Variants in TRAF1 observed in about 807,000 individuals in gnomAD.
TRAF1 encodes TNF receptor-associated factor 1.
TRAF1 carries 23 observed loss-of-function variants against 40.9 expected under a neutral mutation model. That is an observed-to-expected ratio of 0.56 (90% CI 0.40 to 0.80). The LOEUF is 0.80. TRAF1 is among the 30% of genes least tolerant of loss of function. TRAF1 has a pLI of 0.00. For synonymous variants in TRAF1, 206 were observed against 218.8 expected, an observed-to-expected ratio of 0.94 and a Z score of 0.52; for missense variants, 477 against 528.7, an observed-to-expected ratio of 0.90 and a Z score of 0.96.
intron 3 of TRAF1, among the ~76,000 whole-genome samples, chr9:120,920,832 C>G (rs998853730): frequency 1.3e-5 from 2 of 152,200 alleles, no homozygotes; most frequent in Non-Finnish European, 2.9e-5. Context: ...GCCCTCCACC[C>G]TGCCTCCATT....
Position 120,911,512 on chromosome 9 carries a change from AC to A in TRAF1, c.706del (p.Val236TrpfsTer76), listed in dbSNP as rs745946131. The A allele has an allele frequency of 1.2e-6, 2 of 1,609,314 alleles. No homozygotes were observed. On this transcript the variant is annotated frameshift_variant and splice_region_variant, in exon 6 of 8. Coordinates refer to ENST00000373887, the MANE Select transcript of TRAF1 (RefSeq NM_005658.5). LOFTEE classifies it high-confidence loss of function. ...RERILSLEQR[V>X]VELQQTLAQK... Reference sequence around the variant, plus strand: ...GGCCAGGGTCTGCTGAAGCTCCACCACCTGTAGGGAAGACTGTTCAGCCAGG... The same window carrying A: ...GGCCAGGGTCTGCTGAAGCTCCACCACTGTAGGGAAGACTGTTCAGCCAGG...
Position 120,923,725 on chromosome 9 carries a change from G to A in TRAF1, c.208C>T (p.Arg70Cys), listed in dbSNP as rs1380027488. 5.6e-6 allele frequency: 9 copies of A among 1,613,980 alleles called. No homozygotes were observed. The highest frequency in any genetic ancestry group is 4.4e-5 in the South Asian group (4 of 91,086). Residue 70 changes from arginine (R) to cysteine (C), a missense_variant, in exon 3 of 8, where the codon CGT becomes TGT. Arg to Cys is a radical substitution (Grantham distance 180). Transcript: ENST00000373887. The stretch of plus-strand genomic sequence containing the variant: ...CGTACCTTCTCCTGAGTTCGAAGAC[G>A]GCTTCCTGGGCTTATAGACTGGAGG... ...EDLQSISPGS[R>C]LRTQEKAHPE...
At chr9:120,916,914 G>A (rs1046970224) in intron 3 of TRAF1, among the ~76,000 whole-genome samples, 2 of 152,140 alleles carry the variant, frequency 1.3e-5, no homozygotes, top group East Asian at 3.9e-4. Context: ...GAATATACCT[G>A]GGGGAGCCTT....
intron 6 of TRAF1, among the ~76,000 whole-genome samples, chr9:120,909,903 C>T (rs1478321115): frequency 6.6e-6 from 1 of 152,192 alleles, no homozygotes; most frequent in Admixed American, 6.5e-5. Flanking sequence ...GCTGAGGGTA[C>T]ATGGGGTGAC....
At chr9:120,925,860 C>G in intron 2 of TRAF1, 76 bp downstream of exon 2, 2 of 1,597,936 alleles carry the variant, frequency 1.3e-6, no homozygotes, top group Non-Finnish European at 1.7e-6. Context: ...ACAGGCTCCT[C>G]TGCCCCTCAC....
intron 6 of TRAF1, among the ~76,000 whole-genome samples, chr9:120,910,218 C>A (rs781394143): frequency 6.6e-6 from 1 of 152,072 alleles, no homozygotes; most frequent in Non-Finnish European, 1.5e-5. Flanking sequence ...TTTGGTAGAA[C>A]AGGAAGCACG....
At chr9:120,912,579 C>G (rs957890281) in intron 5 of TRAF1, among the ~76,000 whole-genome samples, 2 of 152,012 alleles carry the variant, frequency 1.3e-5, no homozygotes, top group African/African-American at 2.4e-5. Flanking sequence ...ATCGCTTGAA[C>G]CTGGGAGTGG....
chr9:120,924,515 A>T (rs1374246551), intron 2 of TRAF1, among the ~76,000 whole-genome samples: 1 of 152,144 alleles, frequency 6.6e-6, no homozygotes, highest in East Asian at 1.9e-4. Flanking sequence ...CCCAGGTTCA[A>T]GTGATTCTCA....
chr9:120,923,189 TA>T (rs2046616002), intron 3 of TRAF1, among the ~76,000 whole-genome samples: 1 of 152,242 alleles, frequency 6.6e-6, no homozygotes, highest in African/African-American at 2.4e-5. Flanking sequence ...CCAAGGGGTT[TA>T]TATTTGTTAT....
intron 7 of TRAF1, among the ~76,000 whole-genome samples, chr9:120,905,486 G>A (rs1391550262): frequency 6.6e-6 from 1 of 152,250 alleles, no homozygotes; most frequent in East Asian, 1.9e-4. Context: ...AGGATCAGAT[G>A]TTCCCTCCAG....
At chr9:120,919,574 G>A (rs1416212260) in intron 3 of TRAF1, among the ~76,000 whole-genome samples, 1 of 152,234 alleles carries the variant, frequency 6.6e-6, no homozygotes, top group African/African-American at 2.4e-5. Flanking sequence ...AGGGGCTGCT[G>A]TGACTCAGGT....
chr9:120,911,196 T>C, intron 6 of TRAF1, 140 bp downstream of exon 6: 1 of 965,170 alleles, frequency 1.0e-6, no homozygotes, highest in South Asian at 1.7e-5. Flanking sequence ...TTCCTGCCCA[T>C]GGTGAGTGGC....
chr9:120,922,718 C>T (rs1369974481), intron 3 of TRAF1, among the ~76,000 whole-genome samples: 1 of 152,162 alleles, frequency 6.6e-6, no homozygotes, highest in East Asian at 1.9e-4. Context: ...GCAGACAGAA[C>T]CATCTAGATG....
chr9:120,906,610 C>T, intron 7 of TRAF1, among the ~76,000 whole-genome samples: 1 of 152,184 alleles, frequency 6.6e-6, no homozygotes, highest in South Asian at 2.1e-4. Context: ...AACATCCCCA[C>T]CAGAGTGGTA....
Position 120,913,731 on chromosome 9 carries a change from G to A in TRAF1, c.302C>T (p.Pro101Leu). ...GACCTCATGCTCTTGCACAGACTGT[G>A]GGCTTCCCTGACAAGAGAGTGGGGC... ...AGVGCSFKGS[P>L]QSVQEHEVTS... is the part of the protein sequence containing the mutation. The change falls in exon 5 of 8, where the codon CCA (proline) becomes CTA (leucine). Residue 101 changes from proline to leucine, a missense_variant. Physicochemically the swap from Pro to Leu is moderately conservative, Grantham distance 98. Transcript: ENST00000373887. 1 of 1,564,884 alleles carries A rather than the reference G, an allele frequency of 6.4e-7. No individual in the cohort carries two copies. Among genetic ancestry groups the A allele is most frequent in the Non-Finnish European group, 8.7e-7 (1 of 1,152,462 alleles).
chr9:120,906,171 G>GTT (rs2046480292), intron 7 of TRAF1, among the ~76,000 whole-genome samples: 1 of 116,542 alleles, frequency 8.6e-6, no homozygotes, highest in Admixed American at 9.9e-5. Context: ...GAATTATGGT[G>GTT]TGTTTTTTTT....
upstream of TRAF1, chr9:120,927,687 A>G (rs1340636832): frequency 1.3e-5 from 2 of 151,888 alleles, no homozygotes; most frequent in East Asian, 3.9e-4. Flanking sequence ...TAAACTGCCC[A>G]CCTGCCCTGG....
At chr9:120,920,583 T>G (rs1221730528) in intron 3 of TRAF1, among the ~76,000 whole-genome samples, 1 of 152,136 alleles carries the variant, frequency 6.6e-6, no homozygotes, top group East Asian at 1.9e-4. Context: ...CTGAAGATTA[T>G]CTCCAGCCCC....
At position 120,911,394 on chromosome 9, in the gene TRAF1, A is replaced by T; in HGVS notation, c.825T>A (p.Asn275Lys). 1.2e-6 allele frequency: 2 copies of T among 1,613,682 alleles called. No individual in the cohort carries two copies. The highest frequency in any genetic ancestry group is 1.7e-6 in the Non-Finnish European group (2 of 1,180,028). ...FDGTFLWKITNVTRRCHESAC... is the reference protein window; with the variant it reads ...FDGTFLWKITKVTRRCHESAC... ...CCGACTCATGGCACCGCCTGGTGACATTGGTGATCTTCCACAGGAAAGTGC... is the reference window on the plus strand; with the variant it reads ...CCGACTCATGGCACCGCCTGGTGACTTTGGTGATCTTCCACAGGAAAGTGC... The change falls in exon 6 of 8, where the codon AAT becomes AAA. Residue 275 changes from asparagine (N) to lysine (K), a missense_variant. Asn to Lys is a moderately conservative substitution (Grantham distance 94). Coordinates refer to ENST00000373887, the MANE Select transcript of TRAF1 (RefSeq NM_005658.5).
Sources: gnomAD v4.1 joint callset for allele counts (sites outside exome capture counted in the v4.1 genomes callset) on GRCh38, gnomAD v4.1.1 for gene constraint, MANE v1.5 for transcripts, NCBI Gene and HGNC (gene_info 2026-07-23, HGNC 2026-07-21) for gene names.